The following MGLL variants were observed in gnomAD, a reference collection of about 807,000 sequenced individuals.
MGLL encodes the protein monoglyceride lipase.
Under a neutral mutation model 29.1 loss-of-function variants are expected in MGLL, and 7 were observed. The observed-to-expected ratio is 0.24, with a 90% confidence interval of 0.14 to 0.45. The LOEUF is 0.45. Among genes scored for constraint, MGLL ranks in the 20% least tolerant of loss-of-function variants. The pLI is 0.99. For synonymous variants in MGLL, 148 were observed against 168.3 expected, an observed-to-expected ratio of 0.88 and a Z score of 0.93; for missense variants, 356 against 413.6, an observed-to-expected ratio of 0.86 and a Z score of 1.21.
At chr3:127,784,758 T>C (rs1423993477) in intron 2 of MGLL, among the ~76,000 whole-genome samples, 2 of 152,204 alleles carry the variant, frequency 1.3e-5, no homozygotes, top group Non-Finnish European at 2.9e-5. Context: ...AGATCCTGCC[T>C]GGACCCCGAT....
intron 2 of MGLL, among the ~76,000 whole-genome samples, chr3:127,795,665 C>T (rs2077371376): frequency 6.6e-6 from 1 of 152,086 alleles, no homozygotes; most frequent in Non-Finnish European, 1.5e-5. Context: ...TAAAAAATTA[C>T]ATTGAGGAGG....
intron 3 of MGLL, among the ~76,000 whole-genome samples, chr3:127,748,160 C>A (rs566763655): frequency 6.6e-6 from 1 of 152,330 alleles, no homozygotes; most frequent in South Asian, 2.1e-4. Flanking sequence ...CTGACTAACA[C>A]GGGCAGGGCT....
At chr3:127,694,256 G>A (rs113635924) in intron 7 of MGLL, among the ~76,000 whole-genome samples, 1 of 129,472 alleles carries the variant, frequency 7.7e-6, no homozygotes, top group African/African-American at 3.1e-5. Context: ...GGTGACAGAG[G>A]GATACTCTGT....
At chr3:127,728,536 C>A (rs2076088941) in intron 3 of MGLL, among the ~76,000 whole-genome samples, 1 of 152,232 alleles carries the variant, frequency 6.6e-6, no homozygotes, top group Non-Finnish European at 1.5e-5. Context: ...CACTCTGTGT[C>A]ACAGATCCCA....
intron 2 of MGLL, among the ~76,000 whole-genome samples, chr3:127,799,740 C>A (rs541934776): frequency 6.6e-6 from 1 of 152,152 alleles, no homozygotes; most frequent in Non-Finnish European, 1.5e-5. Context: ...ACAGTAGTAC[C>A]GGCAAAGGAA....
At position 127,821,978 on chromosome 3, in the gene MGLL, A is replaced by T. The variant is rs187647493; in HGVS notation, c.11-140T>A. 12 of 918,766 alleles carry T rather than the reference A, an allele frequency of 1.3e-5. No individual in the cohort carries two copies. In the East Asian group the frequency reaches 2.9e-4, roughly 22 times the overall value. 56.9% of individuals were successfully genotyped at this position (918,766 alleles called of 1,614,324 possible). ...CCCCTCTGTTTCAAAGGTTTAAAACATACATACATTTCTTGCAAACCTCTC... is the reference window on the plus strand; with the variant it reads ...CCCCTCTGTTTCAAAGGTTTAAAACTTACATACATTTCTTGCAAACCTCTC... On this transcript the variant is annotated intron_variant, in intron 1 of 7. Transcript: ENST00000265052.
intron 3 of MGLL, among the ~76,000 whole-genome samples, chr3:127,745,244 A>G (rs2076420635): frequency 6.6e-6 from 1 of 152,268 alleles, no homozygotes; most frequent in Non-Finnish European, 1.5e-5. Flanking sequence ...CATCCAAAAA[A>G]TGCTAGTCTT....
chr3:127,745,373 C>T (rs141890207), intron 3 of MGLL, among the ~76,000 whole-genome samples: 101 of 152,282 alleles, frequency 6.6e-4, no homozygotes, highest in African/African-American at 2.2e-3. Flanking sequence ...GTCCTCAAAA[C>T]GAATGAAATC....
At chr3:127,719,600 G>A (rs2075880341) in intron 5 of MGLL, among the ~76,000 whole-genome samples, 1 of 152,206 alleles carries the variant, frequency 6.6e-6, no homozygotes, top group African/African-American at 2.4e-5. Flanking sequence ...GAACGCCCCT[G>A]CTGCTGAGTC....
At chr3:127,706,132 A>G (rs1457848589) in intron 6 of MGLL, among the ~76,000 whole-genome samples, 3 of 152,194 alleles carry the variant, frequency 2.0e-5, no homozygotes. Flanking sequence ...TGGAGTAGAT[A>G]TCTGCACCGC....
intron 5 of MGLL, among the ~76,000 whole-genome samples, chr3:127,719,333 C>T (rs184542341): frequency 1.3e-4 from 20 of 152,250 alleles, no homozygotes; most frequent in African/African-American, 4.6e-4. Context: ...GCAGAAACAT[C>T]CATTTTCTTC....
intron 6 of MGLL, among the ~76,000 whole-genome samples, chr3:127,701,742 G>A (rs745671526): frequency 1.3e-5 from 2 of 152,112 alleles, no homozygotes; most frequent in Non-Finnish European, 2.9e-5. Flanking sequence ...TCCCGTGTGT[G>A]TCATCCCCAG....
intron 3 of MGLL, among the ~76,000 whole-genome samples, chr3:127,757,816 G>A (rs1056623839): frequency 3.3e-5 from 5 of 152,168 alleles, no homozygotes; most frequent in African/African-American, 1.2e-4. Flanking sequence ...GTTCAGCCAC[G>A]TGTCATCGAC....
chr3:127,697,792 CT>C (rs948926904), intron 6 of MGLL, among the ~76,000 whole-genome samples: 2 of 152,194 alleles, frequency 1.3e-5, no homozygotes, highest in African/African-American at 4.8e-5. Context: ...AAGTCACCCC[CT>C]CTCTTGGTTA....
At chr3:127,770,228 C>A (rs1299657459) in intron 3 of MGLL, among the ~76,000 whole-genome samples, 1 of 152,138 alleles carries the variant, frequency 6.6e-6, no homozygotes, top group Non-Finnish European at 1.5e-5. Flanking sequence ...CATCCTATTG[C>A]CCAGACTGGT....
intron 3 of MGLL, among the ~76,000 whole-genome samples, chr3:127,729,555 C>A (rs2076110122): frequency 6.6e-6 from 1 of 152,096 alleles, no homozygotes; most frequent in South Asian, 2.1e-4. Flanking sequence ...AGTATGTCCA[C>A]AATATTGTTG....
chr3:127,756,782 T>A (rs2076672511), intron 3 of MGLL, among the ~76,000 whole-genome samples: 1 of 152,176 alleles, frequency 6.6e-6, no homozygotes, highest in Non-Finnish European at 1.5e-5. Flanking sequence ...TCCTAACTGA[T>A]GTAGAAATCA....
At chr3:127,775,916 G>A (rs551527253) in intron 3 of MGLL, among the ~76,000 whole-genome samples, 2 of 152,346 alleles carry the variant, frequency 1.3e-5, no homozygotes, top group East Asian at 3.9e-4. Context: ...CCCTCTGGGT[G>A]AGACTGGCCC....
chr3:127,703,827 G>A (rs781023822), intron 6 of MGLL, among the ~76,000 whole-genome samples: 1 of 152,138 alleles, frequency 6.6e-6, no homozygotes, highest in Non-Finnish European at 1.5e-5. Context: ...TCCACATAAG[G>A]GGTTAATATC....
Sources: gnomAD v4.1 joint callset for allele counts (sites outside exome capture counted in the v4.1 genomes callset) on GRCh38, gnomAD v4.1.1 for gene constraint, MANE v1.5 for transcripts, NCBI Gene and HGNC (gene_info 2026-07-23, HGNC 2026-07-21) for gene names.